AIG1: variants seen among roughly 807,000 people sequenced by gnomAD.
AIG1 encodes the protein androgen-induced gene 1 protein.
AIG1 carries 23 observed loss-of-function variants against 31.4 expected under a neutral mutation model. The ratio of observed to expected loss-of-function variants is 0.73; its 90% CI spans 0.53 to 1.04. AIG1 has a LOEUF of 1.04. AIG1 is among the 50% of genes least tolerant of loss of function. The pLI, the probability that AIG1 is intolerant of heterozygous loss-of-function variation, is 0.00. For synonymous variants in AIG1, 100 were observed against 110.5 expected, an observed-to-expected ratio of 0.90 and a Z score of 0.60; for missense variants, 274 against 295.0, an observed-to-expected ratio of 0.93 and a Z score of 0.52.
chr6:143,139,421 C>T (rs766628833), intron 2 of AIG1, among the ~76,000 whole-genome samples: 1 of 151,964 alleles, frequency 6.6e-6, no homozygotes, highest in Non-Finnish European at 1.5e-5. Flanking sequence ...TCCCGTGTCA[C>T]CCAGCACATG....
At chr6:143,266,112 G>A (rs1462468783) in intron 3 of AIG1, among the ~76,000 whole-genome samples, 1 of 152,214 alleles carries the variant, frequency 6.6e-6, no homozygotes, top group Non-Finnish European at 1.5e-5. Flanking sequence ...CACTGTGGGA[G>A]GCCGAGGCAG....
At chr6:143,323,682 G>C (rs1217440940) in intron 4 of AIG1, among the ~76,000 whole-genome samples, 1 of 152,036 alleles carries the variant, frequency 6.6e-6, no homozygotes, top group Non-Finnish European at 1.5e-5. Flanking sequence ...GGACCTACAG[G>C]CTGTTCATCA....
At chr6:143,125,133 A>T (rs2128505618) in intron 1 of AIG1, among the ~76,000 whole-genome samples, 1 of 152,320 alleles carries the variant, frequency 6.6e-6, no homozygotes, top group South Asian at 2.1e-4. Context: ...GTTGAAGAAA[A>T]TTGTTACCAT....
At chr6:143,304,839 G>A (rs1044874288) in intron 4 of AIG1, among the ~76,000 whole-genome samples, 31 of 152,296 alleles carry the variant, frequency 2.0e-4, no homozygotes, top group African/African-American at 7.5e-4. Flanking sequence ...GAATTCGGCT[G>A]TGAATCCTTC....
chr6:143,296,197 T>G (rs1798415314), intron 4 of AIG1, among the ~76,000 whole-genome samples: 1 of 152,146 alleles, frequency 6.6e-6, no homozygotes, highest in Admixed American at 6.5e-5. Flanking sequence ...TTATTGTCTC[T>G]TCTCCCACCT....
At position 143,334,638 on chromosome 6, in the gene AIG1, G is replaced by A. The variant is rs1297263256; in HGVS notation, c.679+1193G>A. ...TTTAATAATGTTCCACCTGTTCAAT[G>A]GAAATAGTGATCTTTCTCCATTAAT... On this transcript the variant is annotated intron_variant, in intron 5 of 5. Coordinates refer to ENST00000357847, the MANE Select transcript of AIG1 (RefSeq NM_016108.4). The surrounding 1 kb of genome is among the most constrained non-coding windows in gnomAD (Gnocchi z 5.1). Among the ~76,000 whole-genome samples the A allele has an allele frequency of 6.6e-6, 1 of 152,136 alleles. No homozygotes were observed. The highest frequency in any genetic ancestry group is 2.4e-5 in the African/African-American group (1 of 41,420).
At position 143,339,765 on chromosome 6, in the gene AIG1, A is replaced by G; in HGVS notation, c.*89A>G. 6.9e-7 allele frequency: 1 copy of G among 1,453,686 alleles called. No individual in the cohort carries two copies. The highest frequency in any genetic ancestry group is 9.5e-7 in the Non-Finnish European group (1 of 1,055,254). The allele number at this position is 1,453,686 out of a possible 1,614,324, so 90.0% of individuals were successfully genotyped here. On this transcript the variant is annotated 3_prime_UTR_variant, in exon 6 of 6. Transcript: ENST00000357847. Reference sequence around the variant, plus strand: ...TGGCAGTGGGGGAGAAAAGGCTTCAAAGGAACTTGGTGGCATCAGCACCCC... The same window carrying G: ...TGGCAGTGGGGGAGAAAAGGCTTCAGAGGAACTTGGTGGCATCAGCACCCC...
chr6:143,193,368 C>A (rs564980161), intron 3 of AIG1, among the ~76,000 whole-genome samples: 2 of 152,310 alleles, frequency 1.3e-5, no homozygotes, highest in East Asian at 3.9e-4. Flanking sequence ...TCTGATTCTT[C>A]ATTTTGTCTT....
At chr6:143,194,340 C>A (rs1485673968) in intron 3 of AIG1, among the ~76,000 whole-genome samples, 2 of 152,176 alleles carry the variant, frequency 1.3e-5, no homozygotes, top group Non-Finnish European at 2.9e-5. Context: ...ACGAGAATAG[C>A]ATGGGGCAAA....
intron 3 of AIG1, among the ~76,000 whole-genome samples, chr6:143,217,649 C>T (rs573487433): frequency 6.6e-6 from 1 of 152,268 alleles, no homozygotes; most frequent in South Asian, 2.1e-4. Context: ...GCTGGGATTA[C>T]AGGCACCTGC....
At chr6:143,269,313 T>C (rs1796347777) in intron 3 of AIG1, among the ~76,000 whole-genome samples, 1 of 152,174 alleles carries the variant, frequency 6.6e-6, no homozygotes, top group Non-Finnish European at 1.5e-5. Context: ...AAAAAGACAG[T>C]ATCAAGTGCT....
intron 2 of AIG1, among the ~76,000 whole-genome samples, chr6:143,160,024 G>C (rs997856406): frequency 6.6e-6 from 1 of 152,196 alleles, no homozygotes; most frequent in African/African-American, 2.4e-5. Context: ...GTATTTGGTA[G>C]AGTCTGAGTA....
At chr6:143,313,874 A>G (rs1049920600) in intron 4 of AIG1, among the ~76,000 whole-genome samples, 2 of 152,084 alleles carry the variant, frequency 1.3e-5, no homozygotes, top group Non-Finnish European at 2.9e-5. Flanking sequence ...TTAAAAATTA[A>G]AATTAAAAAG....
At chr6:143,225,351 T>C (rs1223711526) in intron 3 of AIG1, among the ~76,000 whole-genome samples, 11 of 152,154 alleles carry the variant, frequency 7.2e-5, no homozygotes, top group Non-Finnish European at 1.3e-4. Context: ...AGTTCAAGCC[T>C]CTTTGCCTCA....
intron 4 of AIG1, among the ~76,000 whole-genome samples, chr6:143,304,035 A>G (rs1198578374): frequency 6.8e-6 from 1 of 146,472 alleles, no homozygotes; most frequent in Admixed American, 6.8e-5. Flanking sequence ...TTTGTCTGTT[A>G]TTGGTGTATA....
chr6:143,131,432 A>G (rs1783224846), intron 1 of AIG1, among the ~76,000 whole-genome samples: 1 of 152,234 alleles, frequency 6.6e-6, no homozygotes, highest in South Asian at 2.1e-4. Context: ...TAAGAAATGA[A>G]CACTATCCAG....
At chr6:143,342,233 T>C, downstream of AIG1, 13 of 678,522 alleles carry the variant, frequency 1.9e-5, no homozygotes, top group South Asian at 1.9e-4. Flanking sequence ...TAAAATTTTC[T>C]TGTAGTGGGA....
At chr6:143,175,377 C>T (rs779819310) in intron 3 of AIG1, among the ~76,000 whole-genome samples, 2 of 152,208 alleles carry the variant, frequency 1.3e-5, no homozygotes, top group Admixed American at 6.5e-5. Context: ...AAGTTTTGCT[C>T]GATTATTTCC....
In AIG1 at chr6:143,331,110, T is replaced by G. The variant is rs1777035877; in HGVS notation, c.516-2172T>G. On this transcript the variant is annotated intron_variant, in intron 4 of 5. Coordinates refer to ENST00000357847, the MANE Select transcript of AIG1 (RefSeq NM_016108.4). The surrounding 1 kb of genome is among the most constrained non-coding windows in gnomAD (Gnocchi z 4.1). Reference sequence around the variant, plus strand: ...TGTTCCTCAATCTTTCTTTCATTACTACTTCCCTCTACCAAGGAACCTTTG... The same window carrying G: ...TGTTCCTCAATCTTTCTTTCATTACGACTTCCCTCTACCAAGGAACCTTTG... 6.6e-6 allele frequency among the ~76,000 whole-genome samples: 1 copy of G among 152,086 alleles called. No homozygotes were observed. The highest frequency in any genetic ancestry group is 2.4e-5 in the African/African-American group (1 of 41,434).
Sources: gnomAD v4.1 joint callset for allele counts (sites outside exome capture counted in the v4.1 genomes callset) on GRCh38, gnomAD v4.1.1 for gene constraint, Gnocchi (gnomAD v3.1) non-coding constraint, MANE v1.5 for transcripts, NCBI Gene and HGNC (gene_info 2026-07-23, HGNC 2026-07-21) for gene names.